ALOX15B: variants seen among roughly 807,000 people sequenced by gnomAD.
ALOX15B encodes the protein polyunsaturated fatty acid lipoxygenase ALOX15B.
A neutral mutation model predicts 73.8 loss-of-function variants in ALOX15B; 74 were observed. That is an observed-to-expected ratio of 1.00 (90% CI 0.83 to 1.22). The LOEUF is 1.22. ALOX15B is among the 50% of genes most tolerant of loss of function. The probability of loss-of-function intolerance (pLI) is 0.00; values close to 1 mark genes in which losing one functional copy is unlikely to be tolerated. For synonymous variants in ALOX15B, 353 were observed against 357.2 expected (o/e 0.99, Z 0.13); for missense variants, 896 against 859.9 (o/e 1.04, Z -0.52).
chr17:8,046,523 G>A (rs1976611297), intron 8 of ALOX15B, 145 bp from the exon 9 acceptor site: 3 of 767,030 alleles, frequency 3.9e-6, no homozygotes, highest in Non-Finnish European at 6.3e-6. Flanking sequence ...GGAACTCCAG[G>A]GCTCAGACCC....
At position 8,044,867 on chromosome 17, in the gene ALOX15B, G is replaced by T. The variant is rs375708086; in HGVS notation, c.715G>T (p.Ala239Ser). Reference protein sequence around the residue: ...FEHWQEDAFFASQFLNGLNPV... With the variant: ...FEHWQEDAFFSSQFLNGLNPV... ...GCACTGGCAGGAGGACGCCTTCTTC[G>T]CCTCCCAGTTCCTGAATGGTCTCAA... Residue 239 changes from alanine to serine, a missense_variant, in exon 6 of 14, where the codon GCC (alanine) becomes TCC (serine). Physicochemically the swap from Ala to Ser is moderately conservative, Grantham distance 99. Coordinates refer to ENST00000380183, the MANE Select transcript of ALOX15B (RefSeq NM_001141.3). 1.1e-5 allele frequency: 17 copies of T among 1,611,510 alleles called. No individual in the cohort carries two copies. Among genetic ancestry groups the T allele is most frequent in the Non-Finnish European group, 1.4e-5 (16 of 1,179,672 alleles).
At chr17:8,040,928 C>T (rs1394928135) in intron 3 of ALOX15B, among the ~76,000 whole-genome samples, 1 of 152,228 alleles carries the variant, frequency 6.6e-6, no homozygotes, top group Non-Finnish European at 1.5e-5. Context: ...ATTCCCTTGG[C>T]ACAAAGCCAG....
chr17:8,043,236 G>T (rs1598163295), intron 5 of ALOX15B, among the ~76,000 whole-genome samples: 1 of 152,300 alleles, frequency 6.6e-6, no homozygotes, highest in South Asian at 2.1e-4. Flanking sequence ...TCCAGTGAGG[G>T]TGTAAAGGGG....
At position 8,046,839 on chromosome 17, in the gene ALOX15B, C is replaced by G. The variant is rs1397503543; in HGVS notation, c.1288-68C>G. The G allele has an allele frequency of 1.2e-5, 19 of 1,611,340 alleles. No homozygotes were observed. In the Middle Eastern group the frequency reaches 2.0e-3, roughly 168 times the overall value. On this transcript the variant is annotated intron_variant, in intron 9 of 13. Transcript: ENST00000380183. ...GTCCTGGGGTAGGAGTGGCCCATCTCCCCGACACCAGTGCTACCTCCTGCT... is the reference window on the plus strand; with the variant it reads ...GTCCTGGGGTAGGAGTGGCCCATCTGCCCGACACCAGTGCTACCTCCTGCT...
intron 2 of ALOX15B, 101 bp from the exon 3 acceptor site, chr17:8,039,801 G>A: frequency 7.7e-7 from 1 of 1,301,106 alleles, no homozygotes; most frequent in Non-Finnish European, 1.1e-6. Flanking sequence ...CTTATGGGAG[G>A]AGGGGACCTG....
intron 3 of ALOX15B, 61 bp downstream of exon 3, chr17:8,040,044 TC>T: frequency 6.6e-7 from 1 of 1,526,692 alleles, no homozygotes; most frequent in Non-Finnish European, 9.0e-7. Flanking sequence ...AGCTTGAGTG[TC>T]CTGGTCATGA....
At chr17:8,039,670 G>T in intron 2 of ALOX15B, 65 bp downstream of exon 2, 2 of 1,379,404 alleles carry the variant, frequency 1.4e-6, no homozygotes, top group Non-Finnish European at 1.9e-6. Context: ...CTGGGGGTTG[G>T]GGAGAAGGGC....
At position 8,047,243 on chromosome 17, in the gene ALOX15B, C is replaced by G. The variant is rs1336826077; in HGVS notation, c.1458-15C>G. 6.2e-7 allele frequency: 1 copy of G among 1,613,948 alleles called. No homozygotes were observed. The highest frequency in any genetic ancestry group is 1.7e-5 in the Admixed American group (1 of 60,000). ...TCGGGGTTGGAGGCTGGACCTGAACCTGGATGCATTGCAGCTTTGTCTCTG... is the reference window on the plus strand; with the variant it reads ...TCGGGGTTGGAGGCTGGACCTGAACGTGGATGCATTGCAGCTTTGTCTCTG... On this transcript the variant is annotated splice_polypyrimidine_tract_variant and intron_variant, in intron 10 of 13. Coordinates refer to ENST00000380183, the MANE Select transcript of ALOX15B (RefSeq NM_001141.3).
At chr17:8,047,967 G>A (rs1645121931) in intron 13 of ALOX15B, 52 bp downstream of exon 13, 4 of 1,589,024 alleles carry the variant, frequency 2.5e-6, no homozygotes, top group African/African-American at 1.3e-5. Context: ...AAGAGAGGGT[G>A]TGATGTTTAC....
Position 8,048,515 on chromosome 17 carries a change from C to A in ALOX15B, c.1981C>A (p.Pro661Thr), listed in dbSNP as rs1242466703. 1 of 1,614,116 alleles carries A rather than the reference C, an allele frequency of 6.2e-7. No individual in the cohort carries two copies. The change falls in exon 14 of 14, where the codon CCC becomes ACC. Residue 661 changes from proline (P) to threonine (T), a missense_variant. Coordinates refer to ENST00000380183, the MANE Select transcript of ALOX15B (RefSeq NM_001141.3). ...GGAGCGGAACCAGGGCCTGGTGCTG[C>A]CCTACACCTACCTAGACCCTCCCCT... ...IQERNQGLVL[P>T]YTYLDPPLIE...
Position 8,045,762 on chromosome 17 carries a change from C to T in ALOX15B, c.1200+76C>T, listed in dbSNP as rs1014983702. 8.7e-6 allele frequency: 13 copies of T among 1,494,194 alleles called. No homozygotes were observed. In the Admixed American group the frequency reaches 1.3e-4, roughly 15 times the overall value. 92.6% of individuals were successfully genotyped at this position (1,494,194 alleles called of 1,614,324 possible). ...TTCTAAGCAGCCTTTCCTCACATGG[C>T]CCTATCCATGCAAGCTGGGATGCAG... On this transcript the variant is annotated intron_variant, in intron 8 of 13. Transcript: ENST00000380183.
intron 5 of ALOX15B, among the ~76,000 whole-genome samples, chr17:8,044,105 G>GGAAGGAAGGAAGGAAGGA (rs1555638987): frequency 1.6e-5 from 1 of 62,320 alleles, no homozygotes. Flanking sequence ...GAGAGAGAGA[G>GGAAGGAAGGAAGGAAGGA]AGGAAGGAAG....
intron 5 of ALOX15B, among the ~76,000 whole-genome samples, chr17:8,043,150 C>G (rs1243833833): frequency 1.3e-5 from 2 of 152,196 alleles, no homozygotes; most frequent in African/African-American, 2.4e-5. Context: ...ACGGGGCTCA[C>G]AGTTGAGCAG....
chr17:8,043,481 A>C (rs1424924219), intron 5 of ALOX15B, among the ~76,000 whole-genome samples: 6 of 152,222 alleles, frequency 3.9e-5, no homozygotes, highest in African/African-American at 1.4e-4. Context: ...AGAGCGAGAG[A>C]AGGAGCAGGA....
chr17:8,045,007 G>A lies in ALOX15B; in HGVS notation c.849+6G>A, dbSNP rs200024960. 1.9e-6 allele frequency: 3 copies of A among 1,613,962 alleles called. No individual in the cohort carries two copies. The highest frequency in any genetic ancestry group is 1.3e-5 in the African/African-American group (1 of 75,018). ...GCTTGCAGGCTGAGCTAGAGGTGAG[G>A]GGTGCAGGGATCTTGGCTCTGCACA... On this transcript the variant is annotated splice_donor_region_variant and intron_variant, in intron 6 of 13. Transcript: ENST00000380183.
Position 8,047,927 on chromosome 17 carries a change from G to A in ALOX15B, c.1851+12G>A, listed in dbSNP as rs1976658376. 6.2e-7 allele frequency: 1 copy of A among 1,613,472 alleles called. No individual in the cohort carries two copies. The highest frequency in any genetic ancestry group is 8.5e-7 in the Non-Finnish European group (1 of 1,179,690). ...AGCCTGGAGACCAAGTGAGTGTGGG[G>A]CTGGGGGCCAGGCTGGGCCAAATTG... On this transcript the variant is annotated intron_variant, in intron 13 of 13. Transcript: ENST00000380183.
At position 8,047,570 on chromosome 17, in the gene ALOX15B, C is replaced by T. The variant is rs1158874901; in HGVS notation, c.1586C>T (p.Pro529Leu). Reference protein sequence around the residue: ...GFLNQESSGIPSSLETREALV... With the variant: ...GFLNQESSGILSSLETREALV... ...AGCCCAGCTCTCCTTGCAGGTATAC[C>T]CTCCTCACTGGAGACCCGGGAAGCC... Residue 529 changes from proline to leucine, a missense_variant, in exon 12 of 14, where the codon CCC becomes CTC. Coordinates refer to ENST00000380183, the MANE Select transcript of ALOX15B (RefSeq NM_001141.3). 1 of 1,603,072 alleles carries T rather than the reference C, an allele frequency of 6.2e-7. No homozygotes were observed. Among genetic ancestry groups the T allele is most frequent in the Admixed American group, 1.7e-5 (1 of 58,210 alleles).
In ALOX15B at chr17:8,042,427, T is replaced by C. The variant is rs748138683; in HGVS notation, c.508T>C (p.Leu170=). ...HCLDEKTVED[L]ELNIKYSTAK... is the part of the protein sequence containing the mutation. ...CCTGGATGAAAAGACAGTGGAAGAC[T>C]TGGAGCTCAATATCAAATACTCCAC... Residue 170 remains leucine, a synonymous_variant, in exon 4 of 14, where the codon TTG becomes CTG. Transcript: ENST00000380183. 5 of 1,613,982 alleles carry C rather than the reference T, an allele frequency of 3.1e-6. No homozygotes were observed. The Admixed American group carries it at 8.3e-5, about 27-fold the overall frequency.
intron 3 of ALOX15B, among the ~76,000 whole-genome samples, chr17:8,041,361 C>G (rs996468915): frequency 6.6e-6 from 1 of 152,224 alleles, no homozygotes; most frequent in Non-Finnish European, 1.5e-5. Flanking sequence ...TCTTGCACAA[C>G]TGTGTGCTCT....
Sources: allele counts gnomAD v4.1 joint callset (sites outside exome capture counted in the v4.1 genomes callset), GRCh38; gene constraint gnomAD v4.1.1; transcripts MANE v1.5; gene names NCBI Gene and HGNC (gene_info 2026-07-23, HGNC 2026-07-21).